Variants in TAFA2 observed in about 807,000 individuals in gnomAD.
The protein encoded by TAFA2 is chemokine-like protein TAFA-2.
A neutral mutation model predicts 18.8 loss-of-function variants in TAFA2; 7 were observed. That is an observed-to-expected ratio of 0.37 (90% CI 0.21 to 0.70). The LOEUF (loss-of-function observed/expected upper bound fraction) is 0.70, where lower values mean the gene tolerates loss of function less well. Ranked by LOEUF, TAFA2 falls within the 30% of genes least tolerant of loss-of-function variation. The pLI is 0.53. For missense variants in TAFA2, 122 were observed against 158.1 expected (o/e 0.77, Z 1.23); for synonymous variants, 60 against 54.2 (o/e 1.11, Z -0.47).
intron 1 of TAFA2, among the ~76,000 whole-genome samples, chr12:62,100,110 A>C (rs113977132): frequency 9.9e-5 from 15 of 150,988 alleles, no homozygotes; most frequent in Non-Finnish European, 2.2e-4. Context: ...TGCCACAAAC[A>C]CTGCCTCTTC....
Position 61,962,915 on chromosome 12 carries a change from A to G in TAFA2, c.-1-95489T>C, listed in dbSNP as rs868570549. Reference sequence around the variant, plus strand: ...CCCTCCCCTAGCCCCCCACCAGCCAACAGGCTGTGTCCATGTGTTCTCACT... The same window carrying G: ...CCCTCCCCTAGCCCCCCACCAGCCAGCAGGCTGTGTCCATGTGTTCTCACT... On this transcript the variant is annotated intron_variant, in intron 1 of 4. Transcript: ENST00000416284. 5.9e-5 allele frequency among the ~76,000 whole-genome samples: 9 copies of G among 151,422 alleles called. No homozygotes were observed. The South Asian group carries it at 1.7e-3, about 28-fold the overall frequency.
chr12:62,091,522 G>A lies in TAFA2; in HGVS notation c.-2+99737C>T, dbSNP rs188227700. Among the ~76,000 whole-genome samples the A allele has an allele frequency of 2.6e-4, 40 of 151,972 alleles. No homozygotes were observed. In the East Asian group the frequency reaches 6.4e-3, roughly 24 times the overall value. On this transcript the variant is annotated intron_variant, in intron 1 of 4. Transcript: ENST00000416284. ...ACTTTACAATCTTGTTATCACTAGA[G>A]GGGTGAAGAAGAGGAAGGTCACCAA...
intron 1 of TAFA2, among the ~76,000 whole-genome samples, chr12:62,017,584 A>G (rs1248862622): frequency 6.6e-6 from 1 of 152,140 alleles, no homozygotes; most frequent in Non-Finnish European, 1.5e-5. Flanking sequence ...CACGTGGTGA[A>G]ATATTTTTAT....
At chr12:62,247,918 CT>C (rs972622738) in intron 1 of TAFA2, among the ~76,000 whole-genome samples, 1 of 151,904 alleles carries the variant, frequency 6.6e-6, no homozygotes, top group Non-Finnish European at 1.5e-5. Context: ...AAGACTGTTT[CT>C]TTTTTTGAGT....
intron 1 of TAFA2, among the ~76,000 whole-genome samples, chr12:61,915,516 A>T (rs556252554): frequency 6.6e-6 from 1 of 152,328 alleles, no homozygotes; most frequent in Admixed American, 6.5e-5. Context: ...TATTATGAGT[A>T]TTGGCTTACT....
rs180838015 is a variant in TAFA2 at position 61,825,552 on chromosome 12, T to C, written c.106+41768A>G. On this transcript the variant is annotated intron_variant, in intron 2 of 4. Coordinates refer to ENST00000416284, the MANE Select transcript of TAFA2 (RefSeq NM_178539.5). Reference sequence around the variant, plus strand: ...AAACCGCTAAAACTGCACTTTCAGATGAGTGTTGGGTTTATGATGGGTAAA... The same window carrying C: ...AAACCGCTAAAACTGCACTTTCAGACGAGTGTTGGGTTTATGATGGGTAAA... 3.4e-3 allele frequency among the ~76,000 whole-genome samples: 522 copies of C among 152,108 alleles called. 1 individual carries two copies. Among genetic ancestry groups the C allele is most frequent in the African/African-American group, 0.011 (472 of 41,534 alleles).
intron 1 of TAFA2, among the ~76,000 whole-genome samples, chr12:62,089,975 A>G (rs1868640500): frequency 6.6e-6 from 1 of 152,114 alleles, no homozygotes; most frequent in Admixed American, 6.6e-5. Context: ...ATTAAGCTGA[A>G]TAACACTGAG....
chr12:62,250,571 G>GT (rs1414796028), intron 1 of TAFA2, among the ~76,000 whole-genome samples: 1 of 151,706 alleles, frequency 6.6e-6, no homozygotes, highest in Non-Finnish European at 1.5e-5. Flanking sequence ...AAAACTAGAG[G>GT]TTTTTTTCCA....
In TAFA2 at chr12:61,864,356, C is replaced by CTA. The variant is rs200715504; in HGVS notation, c.106+2962_106+2963dup. 2.5e-4 allele frequency among the ~76,000 whole-genome samples: 37 copies of CTA among 146,320 alleles called. 1 individual carries two copies. Among genetic ancestry groups the CTA allele is most frequent in the African/African-American group, 7.5e-4 (30 of 39,828 alleles). On this transcript the variant is annotated intron_variant, in intron 2 of 4. Coordinates refer to ENST00000416284, the MANE Select transcript of TAFA2 (RefSeq NM_178539.5). The stretch of plus-strand genomic sequence containing the variant: ...ATATAGAAATATATGGTATATATTT[C>CTA]TATATATATATACCTATATATACCA...
intron 2 of TAFA2, among the ~76,000 whole-genome samples, chr12:61,865,280 T>C (rs1874305637): frequency 6.6e-6 from 1 of 152,176 alleles, no homozygotes; most frequent in Non-Finnish European, 1.5e-5. Context: ...CCAGCCTTTC[T>C]TGGATGGTGA....
intron 1 of TAFA2, among the ~76,000 whole-genome samples, chr12:62,212,431 A>G (rs1256178676): frequency 6.6e-6 from 1 of 152,166 alleles, no homozygotes; most frequent in African/African-American, 2.4e-5. Context: ...TCATCTCTTT[A>G]TGATCATGAT....
At chr12:61,782,708 A>G (rs980711240) in intron 2 of TAFA2, among the ~76,000 whole-genome samples, 1 of 151,732 alleles carries the variant, frequency 6.6e-6, no homozygotes, top group Non-Finnish European at 1.5e-5. Flanking sequence ...ATAGGCCCCA[A>G]AAAATAAATT....
chr12:61,716,916 C>T (rs1030682337), intron 4 of TAFA2, among the ~76,000 whole-genome samples: 4 of 152,142 alleles, frequency 2.6e-5, no homozygotes, highest in Non-Finnish European at 5.9e-5. Flanking sequence ...CAAATAGGCA[C>T]AATTTCAAAC....
chr12:61,842,647 T>C (rs914977321), intron 2 of TAFA2, among the ~76,000 whole-genome samples: 1 of 152,036 alleles, frequency 6.6e-6, no homozygotes, highest in East Asian at 1.9e-4. Flanking sequence ...AATCCAATGA[T>C]ACTTACTCTT....
chr12:61,939,737 G>T (rs892848107), intron 1 of TAFA2, among the ~76,000 whole-genome samples: 2 of 152,200 alleles, frequency 1.3e-5, no homozygotes, highest in African/African-American at 4.8e-5. Context: ...TTTGATGGCT[G>T]CCTCTCTTCA....
chr12:62,071,389 G>A (rs561529281), intron 1 of TAFA2, among the ~76,000 whole-genome samples: 39 of 152,208 alleles, frequency 2.6e-4, no homozygotes, highest in African/African-American at 9.2e-4. Flanking sequence ...TTGTAAGCCT[G>A]AGTAAGGAGA....
At chr12:61,733,424 T>A (rs1868254801) in intron 4 of TAFA2, among the ~76,000 whole-genome samples, 1 of 152,126 alleles carries the variant, frequency 6.6e-6, no homozygotes, top group African/African-American at 2.4e-5. Context: ...TTTAAGTCTT[T>A]AATCCATCTT....
intron 1 of TAFA2, among the ~76,000 whole-genome samples, chr12:62,134,833 C>T (rs1311339401): frequency 6.6e-6 from 1 of 151,950 alleles, no homozygotes; most frequent in Non-Finnish European, 1.5e-5. Flanking sequence ...GCTATATAGG[C>T]CTTATTTTAA....
chr12:61,752,158 A>G (rs1160017287), intron 4 of TAFA2, among the ~76,000 whole-genome samples: 1 of 151,996 alleles, frequency 6.6e-6, no homozygotes, highest in African/African-American at 2.4e-5. Flanking sequence ...AAAAGGAGAT[A>G]ATAACACTAT....
Sources: allele counts gnomAD v4.1 joint callset (sites outside exome capture counted in the v4.1 genomes callset), GRCh38; gene constraint gnomAD v4.1.1; transcripts MANE v1.5; gene names NCBI Gene and HGNC (gene_info 2026-07-23, HGNC 2026-07-21).